GPC5: variants seen among roughly 807,000 people sequenced by gnomAD.
GPC5 encodes glypican 5.
In GPC5, 47 loss-of-function variants were observed where a neutral mutation model predicts 53.9. That is an observed-to-expected ratio of 0.87 (90% CI 0.69 to 1.11). GPC5 has a LOEUF of 1.11. GPC5 is among the 50% of genes most tolerant of loss of function. The pLI, the probability that GPC5 is intolerant of heterozygous loss-of-function variation, is 0.00. For missense variants in GPC5, 748 were observed against 713.1 expected (o/e 1.05, Z -0.56); for synonymous variants, 286 against 263.3 (o/e 1.09, Z -0.84).
At chr13:92,672,871 T>A (rs1224063419) in intron 7 of GPC5, among the ~76,000 whole-genome samples, 1 of 152,052 alleles carries the variant, frequency 6.6e-6, no homozygotes, top group Non-Finnish European at 1.5e-5. Flanking sequence ...TAACACACAC[T>A]GGAGACTTTC....
At chr13:92,625,136 C>G (rs1024820334) in intron 7 of GPC5, among the ~76,000 whole-genome samples, 1 of 152,002 alleles carries the variant, frequency 6.6e-6, no homozygotes, top group African/African-American at 2.4e-5. Flanking sequence ...TTGTCCACTG[C>G]GAATTTACAT....
intron 7 of GPC5, among the ~76,000 whole-genome samples, chr13:92,632,716 T>C (rs758073561): frequency 5.9e-5 from 9 of 152,034 alleles, no homozygotes; most frequent in Non-Finnish European, 1.3e-4. Flanking sequence ...GATAAAGACA[T>C]ACCTGAGACT....
chr13:91,866,798 G>A (rs1395667665), intron 5 of GPC5, among the ~76,000 whole-genome samples: 3 of 152,182 alleles, frequency 2.0e-5, no homozygotes, highest in Non-Finnish European at 4.4e-5. Flanking sequence ...TATTGCGGTT[G>A]CCTTCTATCT....
chr13:92,143,806 G>A (rs2041847714), intron 6 of GPC5, among the ~76,000 whole-genome samples: 3 of 152,076 alleles, frequency 2.0e-5, no homozygotes, highest in Admixed American at 2.0e-4. Flanking sequence ...ATAAAATGCT[G>A]TCTTTGAGTT....
chr13:91,533,866 G>T (rs988778313), intron 2 of GPC5, among the ~76,000 whole-genome samples: 2 of 152,148 alleles, frequency 1.3e-5, no homozygotes, highest in African/African-American at 4.8e-5. Context: ...CTGAATCAGA[G>T]ACTTGACATC....
intron 7 of GPC5, among the ~76,000 whole-genome samples, chr13:92,294,813 CTTTTTTTTTTTTCTTTTT>C (rs1252833480): frequency 9.6e-6 from 1 of 103,980 alleles, no homozygotes; most frequent in Admixed American, 1.0e-4. Flanking sequence ...CTGTTTCTTT[CTTTTTTTTTTTTCTTTTT>C]TTTTTTTTTT....
Position 91,640,585 on chromosome 13 carries a change from C to A in GPC5, c.326-52602C>A, listed in dbSNP as rs1266412928. Among the ~76,000 whole-genome samples the A allele has an allele frequency of 4.6e-5, 7 of 152,164 alleles. 1 individual carries two copies. In the South Asian group the frequency reaches 6.2e-4, roughly 14 times the overall value. On this transcript the variant is annotated intron_variant, in intron 2 of 7. Coordinates refer to ENST00000377067, the MANE Select transcript of GPC5 (RefSeq NM_004466.6). ...GATGGTGTGGTGATTCCTCAAAGAT[C>A]TGGAACCAGAAATGCCATTTGACCC...
At chr13:92,832,356 A>C (rs1878075598) in intron 7 of GPC5, among the ~76,000 whole-genome samples, 1 of 152,226 alleles carries the variant, frequency 6.6e-6, no homozygotes, top group African/African-American at 2.4e-5. Context: ...GGAAGAACTA[A>C]AAACTAGAAC....
intron 2 of GPC5, among the ~76,000 whole-genome samples, chr13:91,562,958 G>GA (rs892287763): frequency 2.0e-5 from 3 of 151,866 alleles, no homozygotes; most frequent in Admixed American, 6.6e-5. Flanking sequence ...GCATCGTAGA[G>GA]AAAAAATGAG....
chr13:92,709,213 A>AT (rs879838843), intron 7 of GPC5, among the ~76,000 whole-genome samples: 1,951 of 135,558 alleles, frequency 0.014, 25 homozygotes, highest in African/African-American at 0.037. Flanking sequence ...CGCCCAGCTA[A>AT]TTTTTTTTTT....
intron 5 of GPC5, among the ~76,000 whole-genome samples, chr13:91,885,969 A>AT (rs35768986): frequency 0.28 from 42,338 of 151,658 alleles, 6,374 homozygotes; most frequent in African/African-American, 0.33. Flanking sequence ...ATTTTTTAGG[A>AT]TTTTTTTCTG....
chr13:92,622,320 T>G (rs1594356568), intron 7 of GPC5, among the ~76,000 whole-genome samples: 1 of 152,190 alleles, frequency 6.6e-6, no homozygotes, highest in Non-Finnish European at 1.5e-5. Flanking sequence ...GTTTCCCTCT[T>G]TAGGTTCAGG....
chr13:91,451,898 G>A (rs2139108080), intron 2 of GPC5, among the ~76,000 whole-genome samples: 1 of 152,112 alleles, frequency 6.6e-6, no homozygotes, highest in East Asian at 1.9e-4. Context: ...TTACAGGTGT[G>A]AGCCACCATG....
chr13:91,769,034 T>C (rs1333552810), intron 5 of GPC5, among the ~76,000 whole-genome samples: 2 of 150,448 alleles, frequency 1.3e-5, no homozygotes, highest in Non-Finnish European at 1.5e-5. Flanking sequence ...TTTCTCTCTC[T>C]GAAAGCAACT....
intron 7 of GPC5, among the ~76,000 whole-genome samples, chr13:92,709,850 C>T (rs1888075946): frequency 6.6e-6 from 1 of 152,200 alleles, no homozygotes; most frequent in African/African-American, 2.4e-5. Flanking sequence ...AGTTCAAGTG[C>T]AGGAAGAATA....
At chr13:91,596,177 TTAA>T (rs2032987019) in intron 2 of GPC5, among the ~76,000 whole-genome samples, 2 of 152,230 alleles carry the variant, frequency 1.3e-5, no homozygotes, top group Non-Finnish European at 2.9e-5. Context: ...TTTAATGTAA[TTAA>T]TAAAGCAATG....
chr13:92,548,984 G>C (rs75025735), intron 7 of GPC5, among the ~76,000 whole-genome samples: 1 of 152,072 alleles, frequency 6.6e-6, no homozygotes, highest in Admixed American at 6.6e-5. Flanking sequence ...GAAGTTTAGA[G>C]ATAAGCATTT....
At chr13:91,778,577 T>G (rs1426189782) in intron 5 of GPC5, among the ~76,000 whole-genome samples, 1 of 152,182 alleles carries the variant, frequency 6.6e-6, no homozygotes, top group Non-Finnish European at 1.5e-5. Context: ...ATTAAACTAC[T>G]CTGCTTAAAA....
At chr13:92,742,279 A>G (rs1889120776) in intron 7 of GPC5, among the ~76,000 whole-genome samples, 1 of 151,660 alleles carries the variant, frequency 6.6e-6, no homozygotes, top group Non-Finnish European at 1.5e-5. Flanking sequence ...TTGCCATTCT[A>G]ACTGGTGTGA....
Sources: gnomAD v4.1 joint callset for allele counts (sites outside exome capture counted in the v4.1 genomes callset) on GRCh38, gnomAD v4.1.1 for gene constraint, MANE v1.5 for transcripts, NCBI Gene and HGNC (gene_info 2026-07-23, HGNC 2026-07-21) for gene names.